The following MCPH1 variants were observed in gnomAD, a reference collection of about 807,000 sequenced individuals.
The protein encoded by MCPH1 is microcephalin 1.
A neutral mutation model predicts 84.5 loss-of-function variants in MCPH1; 104 were observed. The observed-to-expected ratio is 1.23, with a 90% confidence interval of 1.05 to 1.45. The LOEUF is 1.45. Among genes scored for constraint, MCPH1 ranks in the 40% most tolerant of loss-of-function variants. The pLI is 0.00. For synonymous variants in MCPH1, 514 were observed against 366.8 expected, an observed-to-expected ratio of 1.40 and a Z score of -4.58; for missense variants, 1,498 against 1,005.7, an observed-to-expected ratio of 1.49 and a Z score of -6.62.
intron 3 of MCPH1, among the ~76,000 whole-genome samples, chr8:6,427,849 G>C (rs921468611): frequency 7.9e-5 from 12 of 151,354 alleles, no homozygotes; most frequent in African/African-American, 2.9e-4. Flanking sequence ...CTGGAGTGCA[G>C]TGGCGTGATC....
At chr8:6,418,876 G>T (rs141858949) in intron 3 of MCPH1, among the ~76,000 whole-genome samples, 11 of 152,026 alleles carry the variant, frequency 7.2e-5, no homozygotes, top group African/African-American at 2.7e-4. Context: ...CACAGCGCCC[G>T]GCCAGGATTT....
rs192782914 is a variant in MCPH1, at chr8:6,428,043, A to G, written c.234-3456A>G. Among the ~76,000 whole-genome samples, 54 of 151,954 alleles carry G rather than the reference A, an allele frequency of 3.6e-4. 2 individuals are homozygous for G. The highest frequency in any genetic ancestry group is 1.2e-3 in the African/African-American group (50 of 41,428). ...ACTGACCTCCCGCCTCAACCTCCCAAAGTGCTGAGATTACAGGTGTGAGCC... is the reference window on the plus strand; with the variant it reads ...ACTGACCTCCCGCCTCAACCTCCCAGAGTGCTGAGATTACAGGTGTGAGCC... On this transcript the variant is annotated intron_variant, in intron 3 of 13. Transcript: ENST00000344683.
chr8:6,462,051 ATGTGAAGGCAAGC>A (rs1166307241), intron 9 of MCPH1, among the ~76,000 whole-genome samples: 1 of 152,194 alleles, frequency 6.6e-6, no homozygotes, highest in Admixed American at 6.5e-5. Context: ...AGCTTGTTGC[ATGTGAAGGCAAGC>A]TGTGGGTCAG....
At chr8:6,515,480 C>G (rs985313101) in intron 12 of MCPH1, among the ~76,000 whole-genome samples, 8 of 152,184 alleles carry the variant, frequency 5.3e-5, no homozygotes, top group Non-Finnish European at 7.3e-5. Context: ...CAGTTTTTCT[C>G]TAAGCAACTC....
At chr8:6,534,722 G>A (rs2442601) in intron 12 of MCPH1, among the ~76,000 whole-genome samples, 7,625 of 152,290 alleles carry the variant, frequency 0.05, 234 homozygotes, top group Non-Finnish European at 0.064. Flanking sequence ...TTCATAAAAT[G>A]TGAAGAGTCT....
intron 8 of MCPH1, among the ~76,000 whole-genome samples, chr8:6,449,675 C>G (rs571894333): frequency 6.5e-4 from 99 of 152,064 alleles, no homozygotes; most frequent in African/African-American, 2.3e-3. Flanking sequence ...TCCCTTTGCT[C>G]TTGCACTCAG....
intron 12 of MCPH1, among the ~76,000 whole-genome samples, chr8:6,587,102 T>C (rs1253611459): frequency 6.6e-6 from 1 of 152,164 alleles, no homozygotes; most frequent in Non-Finnish European, 1.5e-5. Context: ...GTCGATGATC[T>C]GTATTGACTT....
intron 12 of MCPH1, among the ~76,000 whole-genome samples, chr8:6,512,753 A>G (rs755602094): frequency 6.6e-6 from 1 of 152,230 alleles, no homozygotes; most frequent in Non-Finnish European, 1.5e-5. Context: ...GGCAGAAAGT[A>G]AATTCCCAGT....
At chr8:6,477,747 A>T (rs968304166) in intron 10 of MCPH1, 116 bp downstream of exon 10, 1 of 797,154 alleles carries the variant, frequency 1.3e-6, no homozygotes, top group African/African-American at 1.7e-5. Flanking sequence ...CTTTTACTTT[A>T]TAAAATTAAT....
At chr8:6,600,717 A>G (rs1829293734) in intron 12 of MCPH1, among the ~76,000 whole-genome samples, 2 of 152,240 alleles carry the variant, frequency 1.3e-5, no homozygotes, top group Non-Finnish European at 2.9e-5. Context: ...ATGAAACGAA[A>G]GGATTGGACC....
chr8:6,478,367 A>G (rs1314999455), intron 10 of MCPH1, among the ~76,000 whole-genome samples: 1 of 152,258 alleles, frequency 6.6e-6, no homozygotes, highest in East Asian at 1.9e-4. Context: ...TTTTGTAAAT[A>G]TATTATGAAA....
At chr8:6,635,836 C>A (rs1032181656) in intron 13 of MCPH1, among the ~76,000 whole-genome samples, 1 of 152,172 alleles carries the variant, frequency 6.6e-6, no homozygotes, top group South Asian at 2.1e-4. Context: ...AATCAAAGCA[C>A]AGCATGGTTG....
At chr8:6,510,204 G>T (rs971372358) in intron 12 of MCPH1, among the ~76,000 whole-genome samples, 3 of 149,582 alleles carry the variant, frequency 2.0e-5, no homozygotes, top group African/African-American at 2.5e-5. Flanking sequence ...AGTTTCTGCT[G>T]CAAAGAAGCT....
intron 12 of MCPH1, among the ~76,000 whole-genome samples, chr8:6,539,390 G>A (rs995950981): frequency 1.3e-5 from 2 of 152,148 alleles, no homozygotes; most frequent in South Asian, 4.1e-4. Flanking sequence ...AGAAGTTGAG[G>A]CAAAAGCTAA....
chr8:6,548,973 T>C (rs1823097220), intron 12 of MCPH1, among the ~76,000 whole-genome samples: 1 of 152,222 alleles, frequency 6.6e-6, no homozygotes, highest in Non-Finnish European at 1.5e-5. Context: ...AACCAGTACT[T>C]AATGAATCAA....
At chr8:6,429,528 CTTT>C (rs112056239) in intron 3 of MCPH1, among the ~76,000 whole-genome samples, 7 of 146,660 alleles carry the variant, frequency 4.8e-5, no homozygotes, top group African/African-American at 1.7e-4. Context: ...TTGGGTTTCC[CTTT>C]TTTTTTTTAT....
At chr8:6,493,528 C>G (rs916081046) in intron 11 of MCPH1, among the ~76,000 whole-genome samples, 1 of 152,162 alleles carries the variant, frequency 6.6e-6, no homozygotes, top group South Asian at 2.1e-4. Flanking sequence ...GTTGAATAGG[C>G]TGTGTTAGAT....
intron 9 of MCPH1, among the ~76,000 whole-genome samples, chr8:6,457,897 G>C (rs544172178): frequency 2.6e-5 from 4 of 152,202 alleles, no homozygotes; most frequent in South Asian, 4.2e-4. Context: ...TTCCTGACTG[G>C]GCTGCGCATT....
At chr8:6,629,712 A>T (rs1041824046) in intron 13 of MCPH1, among the ~76,000 whole-genome samples, 1 of 152,200 alleles carries the variant, frequency 6.6e-6, no homozygotes. Context: ...AGCCTGAGCA[A>T]ACTAGTTCAG....
Sources: allele counts gnomAD v4.1 joint callset (sites outside exome capture counted in the v4.1 genomes callset), GRCh38; gene constraint gnomAD v4.1.1; transcripts MANE v1.5; gene names NCBI Gene and HGNC (gene_info 2026-07-23, HGNC 2026-07-21).